Variants in RADX observed in about 807,000 individuals in gnomAD.
RADX encodes RPA1 related single stranded DNA binding protein, X-linked, also known as RPA-related protein RADX.
RADX carries 36 observed loss-of-function variants against 61.6 expected under a neutral mutation model. That is an observed-to-expected ratio of 0.58 (90% CI 0.45 to 0.77). RADX has a LOEUF of 0.77. Among genes scored for constraint, RADX ranks in the 30% least tolerant of loss-of-function variants. The pLI is 0.00. For missense variants in RADX, 497 were observed against 651.1 expected (o/e 0.76, Z 2.58); for synonymous variants, 272 against 237.9 (o/e 1.14, Z -1.32).
At chrX:106,662,399 A>C in intron 12 of RADX, 94 bp downstream of exon 12, 1 of 827,359 alleles carries the variant, frequency 1.2e-6, no homozygotes, top group Non-Finnish European at 1.7e-6. Flanking sequence ...TCCCACAAAA[A>C]CATTAAGCCC....
chrX:106,630,690 A>G (rs1927194921), intron 3 of RADX, among the ~76,000 whole-genome samples: 1 of 111,549 alleles, frequency 9.0e-6, no homozygotes, highest in African/African-American at 3.3e-5. Context: ...ACATGTTCTC[A>G]CTTACAAGCA....
At chrX:106,644,862 G>C (rs1371426031) in intron 10 of RADX, among the ~76,000 whole-genome samples, 1 of 110,871 alleles carries the variant, frequency 9.0e-6, no homozygotes, top group Non-Finnish European at 1.9e-5. Flanking sequence ...TTCTTGAAAT[G>C]TTTGGTAGAA....
At chrX:106,622,828 A>G (rs781061445) in intron 2 of RADX, 35 bp downstream of exon 2, 1 of 926,258 alleles carries the variant, frequency 1.1e-6, no homozygotes, top group Admixed American at 3.3e-5. Flanking sequence ...TTAATTTAAA[A>G]GTTATAAATT....
intron 13 of RADX, among the ~76,000 whole-genome samples, chrX:106,671,831 A>G (rs1928369284): frequency 9.2e-6 from 1 of 108,386 alleles, no homozygotes; most frequent in Non-Finnish European, 1.9e-5. Flanking sequence ...TTTACCTTTC[A>G]TTTGTCTCTA....
At chrX:106,625,037 T>C (rs1927045411) in intron 2 of RADX, 53 bp from the exon 3 acceptor site, 1 of 823,393 alleles carries the variant, frequency 1.2e-6, no homozygotes, top group Non-Finnish European at 1.7e-6. Context: ...ATATATTATC[T>C]GTACAGATAA....
chrX:106,669,012 A>C (rs1928298216), intron 12 of RADX, 151 bp from the exon 13 acceptor site: 1 of 492,284 alleles, frequency 2.0e-6, no homozygotes, highest in South Asian at 3.2e-5. Context: ...CATAAATTGC[A>C]ATACTAGGAG....
chrX:106,626,394 T>A (rs1157142679), intron 3 of RADX, among the ~76,000 whole-genome samples: 2 of 112,039 alleles, frequency 1.8e-5, no homozygotes, highest in Non-Finnish European at 3.8e-5. Context: ...ATTGGTCAGA[T>A]CTTGCTAGAT....
At position 106,678,291 on chromosome X, in the gene RADX, G is replaced by A. The variant is rs755885251; in HGVS notation, c.*33G>A. The A allele has an allele frequency of 1.4e-5, 14 of 1,015,574 alleles. No individual in the cohort carries two copies. The highest frequency in any genetic ancestry group is 1.8e-5 in the Non-Finnish European group (13 of 730,094). 83.7% of individuals were successfully genotyped at this position (1,015,574 alleles called of 1,213,427 possible). On this transcript the variant is annotated 3_prime_UTR_variant, in exon 14 of 14. Transcript: ENST00000372548. ...CAAATGAAATTATTACAGATTATAC[G>A]AGTGTACTGCTTTAAAGATATTCCA...
At chrX:106,673,455 G>A (rs745712621) in intron 13 of RADX, among the ~76,000 whole-genome samples, 3 of 110,195 alleles carry the variant, frequency 2.7e-5, no homozygotes, top group Non-Finnish European at 3.8e-5. Flanking sequence ...ATGTCTTCAC[G>A]ACTGACTGGT....
chrX:106,633,025 T>C lies in RADX; in HGVS notation c.1180+2T>C, dbSNP rs980142602. On this transcript the variant is annotated splice_donor_variant, in intron 5 of 13. Transcript: ENST00000372548. LOFTEE classifies it high-confidence loss of function. ...GGGTCCAGCGGTCAAAAAAGAAAGG[T>C]AAGCTTTTAAAATTGAAAATCATAA... is the stretch of plus-strand genomic sequence containing the variant. The C allele has an allele frequency of 1.7e-6, 2 of 1,200,201 alleles. No individual in the cohort carries two copies. Among genetic ancestry groups the C allele is most frequent in the Admixed American group, 2.2e-5 (1 of 45,470 alleles).
intron 12 of RADX, among the ~76,000 whole-genome samples, chrX:106,666,914 T>G (rs1031167077): frequency 1.8e-5 from 2 of 112,344 alleles, no homozygotes; most frequent in African/African-American, 6.5e-5. Context: ...CACAAATGTC[T>G]TAAATTCTAT....
At position 106,640,598 on chromosome X, in the gene RADX, A is replaced by G; in HGVS notation, c.1781A>G (p.Gln594Arg). 1 of 1,202,027 alleles carries G rather than the reference A, an allele frequency of 8.3e-7. No homozygotes were observed. The highest frequency in any genetic ancestry group is 1.1e-6 in the Non-Finnish European group (1 of 889,227). ...STSQAARVEI[Q>R]ERNGKRHQDD... ...TCTCAAGCAGCTAGAGTAGAAATTC[A>G]AGAAAGAAATGGTAAACGGCATCAA... The change falls in exon 10 of 14, where the codon CAA (glutamine) becomes CGA (arginine). Residue 594 changes from glutamine to arginine, a missense_variant. Around this residue, in one of 3 missense-constraint regions of RADX, gnomAD observed 267 missense variants for 306.9 expected, o/e 0.87. Transcript: ENST00000372548.
In RADX at chrX:106,641,111, C is replaced by T. The variant is rs139617773; in HGVS notation, c.1904+390C>T. On this transcript the variant is annotated intron_variant, in intron 10 of 13. Transcript: ENST00000372548. Reference sequence around the variant, plus strand: ...TTTCACCTTTTTCATAAGGATACCACTCATATTGGATTAGGGGACCACCCT... The same window carrying T: ...TTTCACCTTTTTCATAAGGATACCATTCATATTGGATTAGGGGACCACCCT... Among the ~76,000 whole-genome samples, 339 of 110,724 alleles carry T rather than the reference C, an allele frequency of 3.1e-3. 1 individual carries two copies. Among genetic ancestry groups the T allele is most frequent in the African/African-American group, 0.011 (323 of 30,426 alleles).
Position 106,637,812 on chromosome X carries a change from A to G in RADX, c.1461A>G (p.Gln487=). ...TYDAKVKNFI[Q]WIRTKSDSGE... ...ATGCCAAGGTAAAAAACTTTATTCA[A>G]TGGATTAGAACAAAGTCTGATTCCG... The change falls in exon 8 of 14, where the codon CAA becomes CAG. Residue 487 remains glutamine (Q), a synonymous_variant. Transcript: ENST00000372548. 3.3e-6 allele frequency: 4 copies of G among 1,209,164 alleles called. No individual in the cohort carries two copies. The highest frequency in any genetic ancestry group is 3.0e-5 in the East Asian group (1 of 33,804).
At chrX:106,642,390 C>A (rs763790669) in intron 10 of RADX, among the ~76,000 whole-genome samples, 1 of 111,590 alleles carries the variant, frequency 9.0e-6, no homozygotes, top group African/African-American at 3.3e-5. Context: ...AACGTCTTCA[C>A]TTCCCCGCAC....
chrX:106,636,450 C>G, intron 6 of RADX, 93 bp from the exon 7 acceptor site: 1 of 504,057 alleles, frequency 2.0e-6, no homozygotes, highest in Non-Finnish European at 3.4e-6. Context: ...TTTCTTTGTG[C>G]ATTAAAGTTT....
intron 10 of RADX, among the ~76,000 whole-genome samples, chrX:106,644,663 G>T (rs1927612907): frequency 9.0e-6 from 1 of 110,936 alleles, no homozygotes; most frequent in African/African-American, 3.3e-5. Flanking sequence ...GTTGAATTTG[G>T]TTTGCTAGTA....
At chrX:106,628,779 C>T (rs774190657) in intron 3 of RADX, among the ~76,000 whole-genome samples, 50 of 109,341 alleles carry the variant, frequency 4.6e-4, no homozygotes, top group Non-Finnish European at 8.0e-4. Flanking sequence ...GGATTACAGG[C>T]GCCCACCACC....
intron 8 of RADX, 52 bp downstream of exon 8, chrX:106,637,976 G>A (rs1386952236): frequency 1.0e-6 from 1 of 990,605 alleles, no homozygotes; most frequent in East Asian, 3.1e-5. Flanking sequence ...TTATATGTAT[G>A]GCTTATGCTA....
Sources: gnomAD v4.1 joint callset for allele counts (sites outside exome capture counted in the v4.1 genomes callset) on GRCh38, gnomAD v4.1.1 for gene constraint, gnomAD v4.1.1 regional missense constraint, MANE v1.5 for transcripts, NCBI Gene and HGNC (gene_info 2026-07-23, HGNC 2026-07-21) for gene names.